Variants in CACNA2D2 observed in about 807,000 individuals in gnomAD.
CACNA2D2 encodes voltage-dependent calcium channel subunit alpha-2/delta-2.
CACNA2D2 carries 48 observed loss-of-function variants against 166.4 expected under a neutral mutation model. That is an observed-to-expected ratio of 0.29 (90% CI 0.23 to 0.37). CACNA2D2 has a LOEUF of 0.37. Among genes scored for constraint, CACNA2D2 ranks in the 10% least tolerant of loss-of-function variants. CACNA2D2 has a pLI of 1.00. For missense variants in CACNA2D2, 1,122 were observed against 1,433.0 expected (o/e 0.78, Z 3.50); for synonymous variants, 561 against 573.7 (o/e 0.98, Z 0.32).
intron 1 of CACNA2D2, among the ~76,000 whole-genome samples, chr3:50,484,351 C>A (rs1280714430): frequency 6.6e-6 from 1 of 152,148 alleles, no homozygotes; most frequent in Non-Finnish European, 1.5e-5. Context: ...TGGCACCTGC[C>A]TTCCCAGTCT....
chr3:50,385,069 C>A (rs1392868412), intron 5 of CACNA2D2, among the ~76,000 whole-genome samples: 1 of 152,178 alleles, frequency 6.6e-6, no homozygotes, highest in East Asian at 1.9e-4. Context: ...GCCGGGCAGG[C>A]TGGGCATGCA....
At chr3:50,452,398 T>C (rs1216424639) in intron 2 of CACNA2D2, among the ~76,000 whole-genome samples, 1 of 152,144 alleles carries the variant, frequency 6.6e-6, no homozygotes, top group Non-Finnish European at 1.5e-5. Context: ...CCAGAAGTGG[T>C]CCCAGAAGGC....
chr3:50,424,508 C>G (rs1230474421), intron 3 of CACNA2D2, among the ~76,000 whole-genome samples: 1 of 152,188 alleles, frequency 6.6e-6, no homozygotes, highest in Non-Finnish European at 1.5e-5. Context: ...TCTCCCTTGC[C>G]TAGCTAAATC....
At chr3:50,374,636 AC>A in intron 22 of CACNA2D2, 100 bp downstream of exon 22, 1 of 1,345,020 alleles carries the variant, frequency 7.4e-7, no homozygotes, top group East Asian at 2.5e-5. Context: ...GGCAGGAGGG[AC>A]TGCCTCGCCG....
At chr3:50,475,021 C>T (rs745569004) in intron 2 of CACNA2D2, among the ~76,000 whole-genome samples, 5 of 152,170 alleles carry the variant, frequency 3.3e-5, no homozygotes, top group African/African-American at 9.7e-5. Context: ...TCCCTTCCCA[C>T]GGCGTTGCCA....
At chr3:50,451,585 T>C (rs1220760089) in intron 2 of CACNA2D2, among the ~76,000 whole-genome samples, 4 of 152,168 alleles carry the variant, frequency 2.6e-5, no homozygotes, top group Admixed American at 6.5e-5. Flanking sequence ...CCTCCACTAT[T>C]TTCATCCCTG....
intron 1 of CACNA2D2, among the ~76,000 whole-genome samples, chr3:50,502,292 AG>A (rs1418569281): frequency 6.6e-6 from 1 of 152,210 alleles, no homozygotes; most frequent in East Asian, 1.9e-4. Flanking sequence ...AACAGAAGCA[AG>A]GTGGTCACCG....
At position 50,375,632 on chromosome 3, in the gene CACNA2D2, G is replaced by A; in HGVS notation, c.1907+12C>T. 1.2e-6 allele frequency: 2 copies of A among 1,612,286 alleles called. No homozygotes were observed. Among genetic ancestry groups the A allele is most frequent in the Non-Finnish European group, 1.7e-6 (2 of 1,179,438 alleles). On this transcript the variant is annotated intron_variant, in intron 21 of 37. Coordinates refer to ENST00000424201, the MANE Select transcript of CACNA2D2 (RefSeq NM_006030.4). This position sits in a 1 kb window ranked among gnomAD's most constrained non-coding sequence, Gnocchi z 4.0. ...CCACCCTCTCTGCCCGCCCAGCCCT[G>A]GCCTCACTTACCTGTAGTTAGTGCT... is the stretch of plus-strand genomic sequence containing the variant.
In CACNA2D2 at chr3:50,364,777, G is replaced by A. The variant is rs377531685; in HGVS notation, c.3321C>T (p.Ala1107=). Residue 1107 remains alanine, a synonymous_variant, in exon 38 of 38, where the codon GCC becomes GCT. Transcript: ENST00000424201. ...TEDTSDCGRG[A]SFPPSLGVLV... ...GGACGCCCAGCGACGGCGGGAAGGAGGCCCCGCGGCCACAGTCTGAGGTAT... is the reference window on the plus strand; with the variant it reads ...GGACGCCCAGCGACGGCGGGAAGGAAGCCCCGCGGCCACAGTCTGAGGTAT... 1.2e-4 allele frequency: 191 copies of A among 1,595,508 alleles called. 1 individual carries two copies. In the South Asian group the frequency reaches 1.9e-3, roughly 16 times the overall value.
At chr3:50,499,587 G>T (rs562712286) in intron 1 of CACNA2D2, among the ~76,000 whole-genome samples, 2 of 152,242 alleles carry the variant, frequency 1.3e-5, no homozygotes, top group South Asian at 2.1e-4. Context: ...CCTCCCAGGA[G>T]CTGGCAGTGT....
chr3:50,379,519 C>A lies in CACNA2D2; in HGVS notation c.1065G>T (p.Val355=). The A allele has an allele frequency of 6.2e-7, 1 of 1,614,016 alleles. No individual in the cohort carries two copies. The change falls in exon 11 of 38, where the codon GTG becomes GTT. Residue 355 remains valine, a synonymous_variant. Coordinates refer to ENST00000424201, the MANE Select transcript of CACNA2D2 (RefSeq NM_006030.4). This position sits in a 1 kb window ranked among gnomAD's most constrained non-coding sequence, Gnocchi z 6.5. Reference sequence around the variant, plus strand: ...CCATGCCCTGCACAGCTTCCTTGAACACCTTCTTGTTGCGCACATTGGCCT... The same window carrying A: ...CCATGCCCTGCACAGCTTCCTTGAAAACCTTCTTGTTGCGCACATTGGCCT... ...LVQANVRNKK[V]FKEAVQGMVA...
At chr3:50,368,117 G>T (rs1704449170) in intron 24 of CACNA2D2, 21 bp downstream of exon 24, 1 of 1,559,074 alleles carries the variant, frequency 6.4e-7, no homozygotes, top group East Asian at 2.2e-5. Flanking sequence ...CCCAGAGCCA[G>T]CTGCCCTGCC....
At chr3:50,385,245 G>A (rs1179698375) in intron 5 of CACNA2D2, among the ~76,000 whole-genome samples, 1 of 152,206 alleles carries the variant, frequency 6.6e-6, no homozygotes, top group Non-Finnish European at 1.5e-5. Flanking sequence ...CCAGACTGGG[G>A]AGGCAAGGGA....
At chr3:50,444,268 A>G (rs567068906) in intron 2 of CACNA2D2, among the ~76,000 whole-genome samples, 7 of 152,316 alleles carry the variant, frequency 4.6e-5, no homozygotes, top group South Asian at 2.1e-4. Flanking sequence ...CTGGCTTTTC[A>G]TCTTACAGAT....
chr3:50,483,809 C>T (rs1434671128), intron 1 of CACNA2D2, among the ~76,000 whole-genome samples: 2 of 152,186 alleles, frequency 1.3e-5, no homozygotes, highest in Non-Finnish European at 2.9e-5. Context: ...GCCCTCCCTG[C>T]CTGAGGCCTG....
At chr3:50,403,746 C>G (rs1289601096) in intron 3 of CACNA2D2, among the ~76,000 whole-genome samples, 1 of 152,232 alleles carries the variant, frequency 6.6e-6, no homozygotes. Context: ...GTTTGCCTTC[C>G]TGCCATGCTG....
chr3:50,473,228 C>A (rs1229214383), intron 2 of CACNA2D2, among the ~76,000 whole-genome samples: 1 of 152,244 alleles, frequency 6.6e-6, no homozygotes, highest in Non-Finnish European at 1.5e-5. Flanking sequence ...ATGGGCCAGC[C>A]TGCACCCAGC....
chr3:50,498,430 C>A (rs1411031719), intron 1 of CACNA2D2, among the ~76,000 whole-genome samples: 4 of 152,192 alleles, frequency 2.6e-5, no homozygotes, highest in Admixed American at 6.5e-5. Flanking sequence ...ACCTCCATGA[C>A]CTTTCTCTCC....
rs761482881 is a variant in CACNA2D2 at position 50,380,012 on chromosome 3, G to T, written c.849C>A (p.Ile283=). ...LYDVRRRPWY[I]QGASSPKDMV... Reference sequence around the variant, plus strand: ...TGTCTTTGGGTGACGAGGCCCCCTGGATATACCTGCCCAGGAGATGCCTCT... The same window carrying T: ...TGTCTTTGGGTGACGAGGCCCCCTGTATATACCTGCCCAGGAGATGCCTCT... The change falls in exon 9 of 38, where the codon ATC becomes ATA. Residue 283 remains isoleucine (I), a synonymous_variant. Coordinates refer to ENST00000424201, the MANE Select transcript of CACNA2D2 (RefSeq NM_006030.4). This position sits in a 1 kb window ranked among gnomAD's most constrained non-coding sequence, Gnocchi z 4.9. The T allele has an allele frequency of 1.9e-6, 3 of 1,613,956 alleles. No individual in the cohort carries two copies. In the African/African-American group the frequency reaches 4.0e-5, roughly 22 times the overall value.
Sources: gnomAD v4.1 joint callset for allele counts (sites outside exome capture counted in the v4.1 genomes callset) on GRCh38, gnomAD v4.1.1 for gene constraint, Gnocchi (gnomAD v3.1) non-coding constraint, MANE v1.5 for transcripts, NCBI Gene and HGNC (gene_info 2026-07-23, HGNC 2026-07-21) for gene names.